RBMS1: variants seen among roughly 807,000 people sequenced by gnomAD.
RBMS1 encodes RNA-binding motif, single-stranded-interacting protein 1.
In RBMS1, 17 loss-of-function variants were observed where a neutral mutation model predicts 62.3. The ratio of observed to expected loss-of-function variants is 0.27; its 90% CI spans 0.19 to 0.41. The LOEUF (loss-of-function observed/expected upper bound fraction) is 0.41, where lower values mean the gene tolerates loss of function less well. Among genes scored for constraint, RBMS1 ranks in the 10% least tolerant of loss-of-function variants. The probability of loss-of-function intolerance (pLI) is 1.00; values close to 1 mark genes in which losing one functional copy is unlikely to be tolerated. For missense variants in RBMS1, 334 were observed against 504.5 expected, an observed-to-expected ratio of 0.66 and a Z score of 3.24; for synonymous variants, 172 against 170.0, an observed-to-expected ratio of 1.01 and a Z score of -0.09.
At chr2:160,356,954 A>G (rs1026806202) in intron 2 of RBMS1, among the ~76,000 whole-genome samples, 1 of 152,100 alleles carries the variant, frequency 6.6e-6, no homozygotes, top group Admixed American at 6.6e-5. Flanking sequence ...TTTTTTTCAC[A>G]TGCATTTATT....
intron 1 of RBMS1, among the ~76,000 whole-genome samples, chr2:160,433,469 A>AGATAAAAATAATTCTAGACTCC (rs1682986070): frequency 6.6e-6 from 1 of 152,256 alleles, no homozygotes; most frequent in African/African-American, 2.4e-5. Context: ...GTTCACAGTT[A>AGATAAAAATAATTCTAGACTCC]TGAGAACTTG....
chr2:160,298,378 C>T (rs1177209318), intron 6 of RBMS1, among the ~76,000 whole-genome samples: 1 of 152,038 alleles, frequency 6.6e-6, no homozygotes, highest in Non-Finnish European at 1.5e-5. Context: ...GTCTGAAACT[C>T]TGGGGAACAG....
At chr2:160,395,489 T>A (rs969157697) in intron 1 of RBMS1, among the ~76,000 whole-genome samples, 8 of 152,146 alleles carry the variant, frequency 5.3e-5, no homozygotes, top group African/African-American at 1.9e-4. Context: ...CCGGGCGTGG[T>A]GGCGGGCGCC....
intron 2 of RBMS1, among the ~76,000 whole-genome samples, chr2:160,360,091 T>C (rs1041146778): frequency 3.9e-5 from 6 of 152,090 alleles, no homozygotes; most frequent in African/African-American, 1.4e-4. Context: ...TCTCAAAAAA[T>C]AATTTAAATC....
chr2:160,305,565 C>T (rs749407213), intron 4 of RBMS1, among the ~76,000 whole-genome samples: 1 of 152,144 alleles, frequency 6.6e-6, no homozygotes, highest in African/African-American at 2.4e-5. Flanking sequence ...CCTAACAATG[C>T]ATTCACCAGA....
At chr2:160,275,393 T>G in intron 13 of RBMS1, 1 of 581,160 alleles carries the variant, frequency 1.7e-6, no homozygotes, top group South Asian at 6.3e-5. Context: ...TTTTTTCTTT[T>G]TAGTGGGGAG....
intron 4 of RBMS1, among the ~76,000 whole-genome samples, chr2:160,309,406 G>T (rs1266130928): frequency 1.3e-5 from 2 of 152,180 alleles, no homozygotes; most frequent in African/African-American, 4.8e-5. Flanking sequence ...AAGTATGGCT[G>T]GGAAGTAACT....
chr2:160,329,625 T>A (rs1039805379), intron 2 of RBMS1, among the ~76,000 whole-genome samples: 4 of 152,010 alleles, frequency 2.6e-5, no homozygotes, highest in African/African-American at 9.7e-5. Context: ...TAAAATTACT[T>A]TAGTATCAGT....
rs1270879612 is a variant in RBMS1, at chr2:160,478,336, AAAAC to A, written c.75+14949_75+14952del. ...CGCTTAAAACAGTGAGAAATAAACA[AAAAC>A]AAACAAACAAAGCTAGCTACAATTG... On this transcript the variant is annotated intron_variant, in intron 1 of 13. Coordinates refer to ENST00000348849, the MANE Select transcript of RBMS1 (RefSeq NM_016836.4). Among the ~76,000 whole-genome samples the A allele has an allele frequency of 9.2e-5, 14 of 152,356 alleles. No homozygotes were observed. The East Asian group carries it at 2.3e-3, about 25-fold the overall frequency.
rs751142171 is a variant in RBMS1 at position 160,493,307 on chromosome 2, G to C, written c.57C>G (p.Pro19=). The C allele has an allele frequency of 3.5e-5, 57 of 1,613,336 alleles. No homozygotes were observed. Among genetic ancestry groups the C allele is most frequent in the Non-Finnish European group, 4.7e-5 (55 of 1,179,572 alleles). Residue 19 remains proline, a synonymous_variant, in exon 1 of 14, where the codon CCC becomes CCG. Coordinates refer to ENST00000348849, the MANE Select transcript of RBMS1 (RefSeq NM_016836.4). ...CCTTTACCTTGGCTTGCAGATACTG[G>C]GGGTAATAGTAGGTGGCGTACTGAG... ...MYPQYATYYY[P]QYLQAKQSLV... is the part of the protein sequence containing the mutation.
At chr2:160,307,337 T>TGG (rs1258549920) in intron 4 of RBMS1, among the ~76,000 whole-genome samples, 1 of 143,498 alleles carries the variant, frequency 7.0e-6, no homozygotes, top group Non-Finnish European at 1.5e-5. Context: ...ATTATATTCC[T>TGG]GCTCGTGTGA....
At chr2:160,278,470 T>C in intron 11 of RBMS1, 78 bp downstream of exon 11, 1 of 1,171,440 alleles carries the variant, frequency 8.5e-7, no homozygotes, top group Non-Finnish European at 1.3e-6. Context: ...GAGGCTGTCA[T>C]TTGATAGGGA....
chr2:160,484,979 C>T (rs896119089), intron 1 of RBMS1, among the ~76,000 whole-genome samples: 1 of 151,858 alleles, frequency 6.6e-6, no homozygotes, highest in African/African-American at 2.4e-5. Flanking sequence ...CTTCTGGTTG[C>T]CAGCCTCAAG....
At chr2:160,331,701 G>C (rs1192387578) in intron 2 of RBMS1, among the ~76,000 whole-genome samples, 1 of 152,176 alleles carries the variant, frequency 6.6e-6, no homozygotes, top group Non-Finnish European at 1.5e-5. Context: ...TTTCAGAAGA[G>C]AGTAAGCACC....
intron 2 of RBMS1, among the ~76,000 whole-genome samples, chr2:160,352,004 C>T (rs866932843): frequency 3.2e-4 from 49 of 152,088 alleles, no homozygotes; most frequent in African/African-American, 1.2e-3. Flanking sequence ...AAAAATCAAC[C>T]CAGGAGTAGT....
chr2:160,349,659 C>T (rs984616783), intron 2 of RBMS1, among the ~76,000 whole-genome samples: 16 of 151,902 alleles, frequency 1.1e-4, no homozygotes, highest in African/African-American at 1.7e-4. Flanking sequence ...AAAATGCCTC[C>T]GCAATTAGGG....
In RBMS1 at chr2:160,275,616, C is replaced by A. The variant is rs1162317013; in HGVS notation, c.*7+14G>T. 2 of 1,612,200 alleles carry A rather than the reference C, an allele frequency of 1.2e-6. No homozygotes were observed. The highest frequency in any genetic ancestry group is 2.2e-5 in the South Asian group (2 of 90,906). Reference sequence around the variant, plus strand: ...GATTTGAGCCCCCCAGTTATGAAGACCTTTCCCTCATACCTCACAGTTACT... The same window carrying A: ...GATTTGAGCCCCCCAGTTATGAAGAACTTTCCCTCATACCTCACAGTTACT... On this transcript the variant is annotated intron_variant, in intron 13 of 13. Coordinates refer to ENST00000348849, the MANE Select transcript of RBMS1 (RefSeq NM_016836.4).
intron 4 of RBMS1, among the ~76,000 whole-genome samples, chr2:160,310,360 G>C (rs1452910834): frequency 3.3e-5 from 5 of 152,132 alleles, no homozygotes; most frequent in Non-Finnish European, 7.4e-5. Context: ...CAATATCCAA[G>C]ACACACATCC....
chr2:160,366,803 C>G (rs2106024076), intron 2 of RBMS1: 1 of 160,754 alleles, frequency 6.2e-6, no homozygotes, highest in East Asian at 1.8e-4. Context: ...AGCTTACAGT[C>G]AGTATGACGT....
Sources: gnomAD v4.1 joint callset for allele counts (sites outside exome capture counted in the v4.1 genomes callset) on GRCh38, gnomAD v4.1.1 for gene constraint, MANE v1.5 for transcripts, NCBI Gene and HGNC (gene_info 2026-07-23, HGNC 2026-07-21) for gene names.